Variants in FAT3 observed in about 807,000 individuals in gnomAD.
FAT3 encodes FAT atypical cadherin 3.
A neutral mutation model predicts 310.2 loss-of-function variants in FAT3; 95 were observed. The observed-to-expected ratio is 0.31, with a 90% confidence interval of 0.26 to 0.36. The LOEUF (loss-of-function observed/expected upper bound fraction) is 0.36, where lower values mean the gene tolerates loss of function less well. Ranked by LOEUF, FAT3 falls within the 10% of genes least tolerant of loss-of-function variation. The pLI is 1.00. For missense variants in FAT3, 5,408 were observed against 5,715.6 expected (o/e 0.95, Z 1.74); for synonymous variants, 2,314 against 2,192.9 (o/e 1.06, Z -1.54).
chr11:92,635,514 T>C (rs1031599681), intron 3 of FAT3, among the ~76,000 whole-genome samples: 2 of 152,218 alleles, frequency 1.3e-5, no homozygotes, highest in African/African-American at 4.8e-5. Flanking sequence ...ACGCATTATG[T>C]TTTAATTATA....
chr11:92,260,654 C>T (rs1865510174), intron 1 of FAT3, among the ~76,000 whole-genome samples: 1 of 152,020 alleles, frequency 6.6e-6, no homozygotes, highest in Non-Finnish European at 1.5e-5. Context: ...ACCAGGAAGC[C>T]TATTTTATGT....
chr11:92,552,730 A>G (rs757608169), intron 3 of FAT3, among the ~76,000 whole-genome samples: 4 of 152,250 alleles, frequency 2.6e-5, no homozygotes, highest in African/African-American at 9.6e-5. Context: ...GTTTAGCACT[A>G]TCTAACATGG....
intron 3 of FAT3, among the ~76,000 whole-genome samples, chr11:92,581,747 C>A (rs1052011060): frequency 1.3e-5 from 2 of 151,892 alleles, no homozygotes; most frequent in African/African-American, 4.8e-5. Context: ...TGTATACATA[C>A]ACATACATAT....
At position 92,641,430 on chromosome 11, in the gene FAT3, A is replaced by C. The variant is rs138846834; in HGVS notation, c.3608-55954A>C. 4.6e-3 allele frequency among the ~76,000 whole-genome samples: 693 copies of C among 152,294 alleles called. 4 individuals carry two copies. The highest frequency in any genetic ancestry group is 0.016 in the African/African-American group (660 of 41,558). On this transcript the variant is annotated intron_variant, in intron 3 of 27. Transcript: ENST00000525166. ...ATTCTCTCACAGTCCTGGATGCCAG[A>C]AGTCTGAAATCAAGGTTTCCGCAAG...
intron 2 of FAT3, among the ~76,000 whole-genome samples, chr11:92,422,068 ACTGGGCT>A (rs1223232673): frequency 6.6e-6 from 1 of 152,174 alleles, no homozygotes; most frequent in Non-Finnish European, 1.5e-5. Context: ...GTAATGTATT[ACTGGGCT>A]CTCTGGTCAA....
chr11:92,550,018 A>G (rs1317056369), intron 3 of FAT3, among the ~76,000 whole-genome samples: 3 of 152,210 alleles, frequency 2.0e-5, no homozygotes, highest in African/African-American at 4.8e-5. Context: ...TAAATGGAAG[A>G]GTTAGGATTA....
In FAT3 at chr11:92,266,177, G is replaced by T. The variant is rs1467523856; in HGVS notation, c.-18+41003G>T. ...CTCTTTTAAAGGAATACCAACTAGT[G>T]TTTCATTAAGGGAAAAAGACATTTC... On this transcript the variant is annotated intron_variant, in intron 1 of 27. Coordinates refer to ENST00000525166, the MANE Select transcript of FAT3 (RefSeq NM_001367949.2). Among the ~76,000 whole-genome samples the T allele has an allele frequency of 2.6e-5, 4 of 152,212 alleles. No individual in the cohort carries two copies. In the East Asian group the frequency reaches 7.8e-4, roughly 29 times the overall value.
At chr11:92,617,574 T>C (rs965272816) in intron 3 of FAT3, among the ~76,000 whole-genome samples, 16 of 152,218 alleles carry the variant, frequency 1.1e-4, no homozygotes, top group Non-Finnish European at 2.2e-4. Flanking sequence ...TTTTTAGAAT[T>C]ATCAGGTTTT....
chr11:92,863,594 C>T (rs951899010), intron 21 of FAT3, among the ~76,000 whole-genome samples: 1 of 152,148 alleles, frequency 6.6e-6, no homozygotes, highest in Non-Finnish European at 1.5e-5. Context: ...ACACCCCTAA[C>T]CCTAGCAAAT....
Position 92,607,191 on chromosome 11 carries a change from G to A in FAT3, c.3607+82243G>A, listed in dbSNP as rs369398190. 9.9e-5 allele frequency among the ~76,000 whole-genome samples: 15 copies of A among 152,124 alleles called. No homozygotes were observed. In the East Asian group the frequency reaches 2.7e-3, roughly 27 times the overall value. On this transcript the variant is annotated intron_variant, in intron 3 of 27. Coordinates refer to ENST00000525166, the MANE Select transcript of FAT3 (RefSeq NM_001367949.2). Reference sequence around the variant, plus strand: ...TCTATGATGGTTTGAAATTTTCATTGGTGATCAGTGAAAATATTCACTGGA... The same window carrying A: ...TCTATGATGGTTTGAAATTTTCATTAGTGATCAGTGAAAATATTCACTGGA...
intron 3 of FAT3, among the ~76,000 whole-genome samples, chr11:92,614,662 T>G (rs1182986935): frequency 1.3e-5 from 2 of 152,216 alleles, no homozygotes; most frequent in East Asian, 3.8e-4. Context: ...CAATGCATTG[T>G]CTTTTCACTT....
chr11:92,859,345 T>C (rs1437072612), intron 21 of FAT3, 23 bp downstream of exon 21: 3 of 1,555,012 alleles, frequency 1.9e-6, no homozygotes, highest in Admixed American at 3.7e-5. Flanking sequence ...GGTTATCTTT[T>C]TCTGCAGTCA....
chr11:92,529,209 CAA>C (rs1377527551), intron 3 of FAT3, among the ~76,000 whole-genome samples: 2 of 151,974 alleles, frequency 1.3e-5, no homozygotes, highest in Admixed American at 1.3e-4. Flanking sequence ...CAAAACAAAA[CAA>C]AAAAAGAGTG....
chr11:92,456,346 G>GA (rs1320817362), intron 2 of FAT3, among the ~76,000 whole-genome samples: 2 of 152,258 alleles, frequency 1.3e-5, no homozygotes, highest in Non-Finnish European at 2.9e-5. Context: ...CTTAGCACAT[G>GA]AAATAATAAG....
intron 4 of FAT3, among the ~76,000 whole-genome samples, chr11:92,705,155 G>A (rs1944231430): frequency 6.6e-6 from 1 of 152,182 alleles, no homozygotes; most frequent in African/African-American, 2.4e-5. Context: ...CCACAAGAAT[G>A]CTTCTTGCCC....
At chr11:92,842,383 T>C (rs1033133542) in intron 18 of FAT3, among the ~76,000 whole-genome samples, 2 of 152,198 alleles carry the variant, frequency 1.3e-5, no homozygotes, top group African/African-American at 4.8e-5. Flanking sequence ...CTTTCATCTT[T>C]CTGGCCTCTG....
intron 3 of FAT3, among the ~76,000 whole-genome samples, chr11:92,662,222 A>T (rs1942807885): frequency 6.6e-6 from 1 of 152,196 alleles, no homozygotes; most frequent in South Asian, 2.1e-4. Context: ...TTATGCCAGG[A>T]GCCATTATCA....
chr11:92,233,774 C>T (rs1330789468), intron 1 of FAT3, among the ~76,000 whole-genome samples: 2 of 152,100 alleles, frequency 1.3e-5, no homozygotes, highest in Non-Finnish European at 2.9e-5. Context: ...CAGATCAATT[C>T]CCTAGATCTT....
intron 3 of FAT3, among the ~76,000 whole-genome samples, chr11:92,587,038 A>G (rs543108519): frequency 7.9e-5 from 12 of 152,040 alleles, no homozygotes; most frequent in Admixed American, 3.9e-4. Flanking sequence ...TTACATATAT[A>G]GTAGCTATAG....
Sources: allele counts gnomAD v4.1 joint callset (sites outside exome capture counted in the v4.1 genomes callset), GRCh38; gene constraint gnomAD v4.1.1; transcripts MANE v1.5; gene names NCBI Gene and HGNC (gene_info 2026-07-23, HGNC 2026-07-21).